The following ANKRD29 variants were observed in gnomAD, a reference collection of about 807,000 sequenced individuals.
The protein encoded by ANKRD29 is ankyrin repeat domain-containing protein 29.
In ANKRD29, 32 loss-of-function variants were observed where a neutral mutation model predicts 38.0. The observed-to-expected ratio is 0.84, with a 90% confidence interval of 0.64 to 1.13. The LOEUF (loss-of-function observed/expected upper bound fraction) is 1.13. Among genes scored for constraint, ANKRD29 ranks in the 50% most tolerant of loss-of-function variants. The probability of loss-of-function intolerance (pLI) is 0.00; values close to 1 mark genes in which losing one functional copy is unlikely to be tolerated. For synonymous variants in ANKRD29, 135 were observed against 152.4 expected, an observed-to-expected ratio of 0.89 and a Z score of 0.84; for missense variants, 357 against 377.9, an observed-to-expected ratio of 0.94 and a Z score of 0.46.
At chr18:23,662,371 T>C (rs2060374674) in intron 1 of ANKRD29, among the ~76,000 whole-genome samples, 1 of 152,152 alleles carries the variant, frequency 6.6e-6, no homozygotes, top group South Asian at 2.1e-4. Context: ...CTCCTTCTGC[T>C]GCAGGACAGC....
chr18:23,605,616 T>C (rs2059565887), intron 9 of ANKRD29, among the ~76,000 whole-genome samples: 1 of 151,746 alleles, frequency 6.6e-6, no homozygotes, highest in South Asian at 2.1e-4. Context: ...AACCTCCGCC[T>C]CCCGGGTTCA....
intron 1 of ANKRD29, among the ~76,000 whole-genome samples, chr18:23,660,810 C>G (rs999868768): frequency 6.6e-6 from 1 of 152,170 alleles, no homozygotes; most frequent in Non-Finnish European, 1.5e-5. Context: ...TTTGTCCAAA[C>G]AAACAAACAA....
intron 1 of ANKRD29, among the ~76,000 whole-genome samples, chr18:23,662,148 G>A (rs751962675): frequency 6.6e-5 from 10 of 152,214 alleles, no homozygotes; most frequent in Non-Finnish European, 1.3e-4. Flanking sequence ...CATTTTAACT[G>A]CTATTTTTAT....
chr18:23,610,727 T>C (rs1238580838), intron 9 of ANKRD29, among the ~76,000 whole-genome samples: 2 of 152,218 alleles, frequency 1.3e-5, no homozygotes, highest in Non-Finnish European at 2.9e-5. Flanking sequence ...TCAGGGTGGA[T>C]TGCAGTGGCG....
intron 1 of ANKRD29, among the ~76,000 whole-genome samples, chr18:23,655,188 AC>A (rs922544578): frequency 1.4e-5 from 2 of 138,130 alleles, no homozygotes; most frequent in East Asian, 2.6e-4. Flanking sequence ...GACTGAGTGA[AC>A]CCCCCTCTTG....
chr18:23,614,717 C>G (rs925766655), intron 8 of ANKRD29, among the ~76,000 whole-genome samples: 2 of 150,988 alleles, frequency 1.3e-5, no homozygotes, highest in Non-Finnish European at 2.9e-5. Context: ...CTCATGAGCT[C>G]ATTAGGGCAG....
At chr18:23,642,181 T>A (rs2060086467) in intron 3 of ANKRD29, among the ~76,000 whole-genome samples, 1 of 151,942 alleles carries the variant, frequency 6.6e-6, no homozygotes, top group Non-Finnish European at 1.5e-5. Flanking sequence ...ACCTGGCGAA[T>A]GACCCTGTTT....
rs1210165476 is a variant in ANKRD29 at position 23,599,480 on chromosome 18, GCTAA to G, written c.*1742_*1745del. The G allele has an allele frequency of 2.0e-5, 3 of 152,170 alleles. No individual in the cohort carries two copies. The highest frequency in any genetic ancestry group is 1.5e-5 in the Non-Finnish European group (1 of 68,026). 9.4% of individuals were successfully genotyped at this position (152,170 alleles called of 1,614,324 possible). A position where few individuals can be genotyped will look rare whatever the true frequency, so the allele number is the denominator to read the frequency against. ...ATTAGCAACTATTTTTGCCATAAGG[GCTAA>G]CTAAGGGGAAAATACAAAGCATTTA... On this transcript the variant is annotated 3_prime_UTR_variant, in exon 10 of 10. Transcript: ENST00000592179.
At chr18:23,630,249 AC>A (rs1395984170) in intron 5 of ANKRD29, among the ~76,000 whole-genome samples, 1 of 152,192 alleles carries the variant, frequency 6.6e-6, no homozygotes, top group African/African-American at 2.4e-5. Flanking sequence ...ACAGGGCGAT[AC>A]CCCATCTCTA....
In ANKRD29 at chr18:23,614,066, C is replaced by T. The variant is rs556048331; in HGVS notation, c.724-1876G>A. Among the ~76,000 whole-genome samples, 283 of 151,682 alleles carry T rather than the reference C, an allele frequency of 1.9e-3. 2 individuals carry two copies. Among genetic ancestry groups the T allele is most frequent in the Non-Finnish European group, 4.6e-4 (31 of 67,890 alleles). ...AATTTTAACAAGTGCAGCTTTTTGG[C>T]CTCTTTTTTTTCTTTTTTCTGGAGA... On this transcript the variant is annotated intron_variant, in intron 8 of 9. Transcript: ENST00000592179.
chr18:23,650,408 TGCTGGGATTACA>T (rs1168563550), intron 1 of ANKRD29, among the ~76,000 whole-genome samples: 2 of 152,138 alleles, frequency 1.3e-5, no homozygotes, highest in Non-Finnish European at 2.9e-5. Flanking sequence ...CCTCCCAAAG[TGCTGGGATTACA>T]GGCGTGAGCC....
At chr18:23,651,167 G>GA (rs1180081680) in intron 1 of ANKRD29, among the ~76,000 whole-genome samples, 1 of 152,208 alleles carries the variant, frequency 6.6e-6, no homozygotes, top group Non-Finnish European at 1.5e-5. Context: ...GTACGCCCTT[G>GA]TACATACCTG....
chr18:23,610,092 G>C (rs775531655), intron 9 of ANKRD29, among the ~76,000 whole-genome samples: 7 of 152,088 alleles, frequency 4.6e-5, no homozygotes, highest in Non-Finnish European at 1.0e-4. Flanking sequence ...GATATGCTTA[G>C]AAAAATTCAG....
intron 1 of ANKRD29, among the ~76,000 whole-genome samples, chr18:23,654,951 A>T (rs1427474114): frequency 6.6e-6 from 1 of 152,206 alleles, no homozygotes; most frequent in Non-Finnish European, 1.5e-5. Context: ...CTTCAATCGT[A>T]CACTTATTAA....
At chr18:23,659,223 C>T (rs554684716) in intron 1 of ANKRD29, among the ~76,000 whole-genome samples, 39 of 152,120 alleles carry the variant, frequency 2.6e-4, no homozygotes, top group Non-Finnish European at 5.3e-4. Context: ...TTCAGGTGAT[C>T]CGCCACAGCT....
At chr18:23,653,993 T>A (rs951259111) in intron 1 of ANKRD29, among the ~76,000 whole-genome samples, 3 of 152,006 alleles carry the variant, frequency 2.0e-5, no homozygotes, top group Admixed American at 1.3e-4. Flanking sequence ...TTGGGCTGGG[T>A]GCGGTGTCTC....
At chr18:23,649,258 C>T (rs2060180498) in intron 1 of ANKRD29, 65 bp from the exon 2 acceptor site, 1 of 1,153,426 alleles carries the variant, frequency 8.7e-7, no homozygotes, top group Non-Finnish European at 1.3e-6. Flanking sequence ...CTGCTATGCA[C>T]ATAGATAATA....
intron 1 of ANKRD29, among the ~76,000 whole-genome samples, chr18:23,659,974 G>T (rs936381662): frequency 2.0e-5 from 3 of 151,692 alleles, no homozygotes; most frequent in African/African-American, 7.3e-5. Flanking sequence ...AGCCGGGCGT[G>T]GTGGCACATG....
Position 23,600,231 on chromosome 18 carries a change from T to C in ANKRD29, c.*995A>G, listed in dbSNP as rs1229628968. ...TCAAAAACATGCATAGATGAAGACT[T>C]ACTAAGTGCTAATAACAGTCTTTTA... is the stretch of plus-strand genomic sequence containing the variant. On this transcript the variant is annotated 3_prime_UTR_variant, in exon 10 of 10. Transcript: ENST00000592179. The C allele has an allele frequency of 6.6e-6, 1 of 152,472 alleles. No homozygotes were observed. The highest frequency in any genetic ancestry group is 2.4e-5 in the African/African-American group (1 of 41,452). The allele number at this position is 152,472 out of a possible 1,614,324, so 9.4% of individuals were successfully genotyped here. A position where few individuals can be genotyped will look rare whatever the true frequency, so the allele number is the denominator to read the frequency against.
Sources: allele counts gnomAD v4.1 joint callset (sites outside exome capture counted in the v4.1 genomes callset), GRCh38; gene constraint gnomAD v4.1.1; transcripts MANE v1.5; gene names NCBI Gene and HGNC (gene_info 2026-07-23, HGNC 2026-07-21).